Variants in ZNF664 observed in about 807,000 individuals in gnomAD.
ZNF664 encodes zinc finger Organ of Corti 1.
In ZNF664, 10 loss-of-function variants were observed where a neutral mutation model predicts 18.2. That is an observed-to-expected ratio of 0.55 (90% CI 0.34 to 0.93). The LOEUF is 0.93. ZNF664 is among the 40% of genes least tolerant of loss of function. ZNF664 has a pLI of 0.02. For missense variants in ZNF664, 193 were observed against 319.0 expected (o/e 0.61, Z 3.01); for synonymous variants, 119 against 104.2 (o/e 1.14, Z -0.86).
chr12:124,012,738 C>T lies in ZNF664; in HGVS notation c.594C>T (p.Pro198=). 1 of 1,613,622 alleles carries T rather than the reference C, an allele frequency of 6.2e-7. No individual in the cohort carries two copies. Among genetic ancestry groups the T allele is most frequent in the Non-Finnish European group, 8.5e-7 (1 of 1,179,876 alleles). ...IHQRVHTGEK[P]YRCCGCGKAF... ...AGAGAGTCCACACTGGAGAGAAACC[C>T]TATAGATGTTGTGGATGTGGGAAGG... The change falls in exon 5 of 5, where the codon CCC becomes CCT. Residue 198 remains proline (P), a synonymous_variant. Coordinates refer to ENST00000337815, the MANE Select transcript of ZNF664 (RefSeq NM_152437.3).
At chr12:123,979,886 G>A (rs976923525) in intron 2 of ZNF664, among the ~76,000 whole-genome samples, 9 of 152,090 alleles carry the variant, frequency 5.9e-5, no homozygotes, top group Admixed American at 6.5e-5. Flanking sequence ...GTCTCACCAC[G>A]TTACCCAGGC....
chr12:124,007,959 A>C (rs554524083), intron 3 of ZNF664, among the ~76,000 whole-genome samples: 1 of 152,362 alleles, frequency 6.6e-6, no homozygotes, highest in East Asian at 1.9e-4. Context: ...AGCTACAATG[A>C]CATGATCACA....
intron 1 of ZNF664, 193 bp downstream of exon 1, chr12:123,973,545 G>A (rs1208144744): frequency 8.3e-6 from 3 of 361,388 alleles, no homozygotes; most frequent in African/African-American, 2.2e-5. Context: ...GGCGGGTCCC[G>A]GGCTGAGAAG....
chr12:123,982,146 G>C (rs1251443874), intron 2 of ZNF664, among the ~76,000 whole-genome samples: 2 of 152,128 alleles, frequency 1.3e-5, no homozygotes, highest in African/African-American at 2.4e-5. Context: ...TTCCACGTAG[G>C]GGCAGGCCAG....
chr12:123,973,257 C>A lies in ZNF664; in HGVS notation c.-987C>A. 3.0e-6 allele frequency: 3 copies of A among 998,254 alleles called. No individual in the cohort carries two copies. In the South Asian group the frequency reaches 1.4e-4, roughly 47 times the overall value. 61.8% of individuals were successfully genotyped at this position (998,254 alleles called of 1,614,324 possible). A position where few individuals can be genotyped will look rare whatever the true frequency, so the allele number is the denominator to read the frequency against. On this transcript the variant is annotated 5_prime_UTR_variant, in exon 1 of 5. Coordinates refer to ENST00000337815, the MANE Select transcript of ZNF664 (RefSeq NM_152437.3). ...CGTCTGGGTGTGCGGAGCGCGCGCG[C>A]GCGCGGCTCGGAGGCGCACCTGTGA...
intron 3 of ZNF664, among the ~76,000 whole-genome samples, chr12:124,006,484 T>A (rs532405274): frequency 6.6e-6 from 1 of 152,352 alleles, no homozygotes; most frequent in Admixed American, 6.5e-5. Context: ...TCTCAGGATA[T>A]GGTTCTTGTA....
intron 3 of ZNF664, among the ~76,000 whole-genome samples, chr12:124,010,675 G>T (rs1003840208): frequency 1.3e-5 from 2 of 152,202 alleles, no homozygotes; most frequent in Non-Finnish European, 2.9e-5. Flanking sequence ...AGAGAGCAAC[G>T]CACACAGTTC....
intron 3 of ZNF664, among the ~76,000 whole-genome samples, chr12:123,994,304 C>CTT (rs1311566556): frequency 2.0e-5 from 3 of 152,098 alleles, no homozygotes; most frequent in Non-Finnish European, 4.4e-5. Context: ...CTCCAGAGAA[C>CTT]TTTAAGTTTA....
At chr12:123,983,806 A>C (rs1956794112) in intron 2 of ZNF664, among the ~76,000 whole-genome samples, 1 of 152,250 alleles carries the variant, frequency 6.6e-6, no homozygotes, top group African/African-American at 2.4e-5. Context: ...CAAGTTTCTC[A>C]GTTAACCGAT....
chr12:123,998,726 C>G (rs1165040455), intron 3 of ZNF664: 3 of 152,486 alleles, frequency 2.0e-5, no homozygotes, highest in Admixed American at 6.5e-5. Flanking sequence ...CTGTAAACCA[C>G]AGAAATGCAG....
At chr12:123,984,115 A>C (rs988092392) in intron 2 of ZNF664, among the ~76,000 whole-genome samples, 17 of 152,242 alleles carry the variant, frequency 1.1e-4, no homozygotes, top group African/African-American at 4.1e-4. Context: ...GTTGAGAACC[A>C]GTGGGCGAGA....
At chr12:123,975,723 GTTT>G (rs1225860577) in intron 2 of ZNF664, among the ~76,000 whole-genome samples, 2 of 152,120 alleles carry the variant, frequency 1.3e-5, no homozygotes, top group African/African-American at 4.8e-5. Flanking sequence ...GCCCCTAGTG[GTTT>G]TACATACCTT....
At chr12:123,994,920 G>A (rs570515856) in intron 3 of ZNF664, among the ~76,000 whole-genome samples, 1 of 152,320 alleles carries the variant, frequency 6.6e-6, no homozygotes. Flanking sequence ...ATGTTGAGAA[G>A]GAGGATCTAG....
chr12:123,998,568 T>A (rs961486570), intron 3 of ZNF664: 1 of 152,358 alleles, frequency 6.6e-6, no homozygotes, highest in African/African-American at 2.4e-5. Context: ...CTTCACTTTG[T>A]CCTTTGGGTT....
intron 1 of ZNF664, chr12:123,973,569 C>T (rs1956627540): frequency 2.9e-6 from 1 of 345,626 alleles, no homozygotes. Context: ...CCCCTCGGGC[C>T]TCGGGCGGTC....
At chr12:123,996,743 G>A (rs1956952922) in intron 3 of ZNF664, among the ~76,000 whole-genome samples, 1 of 152,196 alleles carries the variant, frequency 6.6e-6, no homozygotes, top group African/African-American at 2.4e-5. Context: ...TTAGATTGCA[G>A]GGCTCTGTCC....
chr12:124,013,010 C>T lies in ZNF664; in HGVS notation c.*80C>T. On this transcript the variant is annotated 3_prime_UTR_variant, in exon 5 of 5. Transcript: ENST00000337815. The stretch of plus-strand genomic sequence containing the variant: ...AACCCTGTATATACCTACATTGACC[C>T]AAGAAATATTTACGCAATCCCTAGC... The T allele has an allele frequency of 1.4e-6, 2 of 1,478,530 alleles. No homozygotes were observed. The highest frequency in any genetic ancestry group is 1.8e-6 in the Non-Finnish European group (2 of 1,104,514). 91.6% of individuals were successfully genotyped at this position (1,478,530 alleles called of 1,614,324 possible).
intron 3 of ZNF664, among the ~76,000 whole-genome samples, chr12:123,991,191 G>A (rs777417454): frequency 6.6e-5 from 10 of 152,198 alleles, no homozygotes; most frequent in Admixed American, 2.6e-4. Context: ...TGGGGTTCAC[G>A]TAGGGGCTAT....
Position 124,013,155 on chromosome 12 carries a change from C to A in ZNF664, c.*225C>A. Reference sequence around the variant, plus strand: ...ATCCACGCAGGATGGCTCTCAGGTCCCAGTCACAGACGTCGCTTCCTGGGA... The same window carrying A: ...ATCCACGCAGGATGGCTCTCAGGTCACAGTCACAGACGTCGCTTCCTGGGA... On this transcript the variant is annotated 3_prime_UTR_variant, in exon 5 of 5. Coordinates refer to ENST00000337815, the MANE Select transcript of ZNF664 (RefSeq NM_152437.3). The A allele has an allele frequency of 1.6e-6, 1 of 619,306 alleles. No individual in the cohort carries two copies. The highest frequency in any genetic ancestry group is 2.8e-6 in the Non-Finnish European group (1 of 361,962). 38.4% of individuals were successfully genotyped at this position (619,306 alleles called of 1,614,324 possible).
Sources: gnomAD v4.1 joint callset for allele counts (sites outside exome capture counted in the v4.1 genomes callset) on GRCh38, gnomAD v4.1.1 for gene constraint, MANE v1.5 for transcripts, NCBI Gene and HGNC (gene_info 2026-07-23, HGNC 2026-07-21) for gene names.